The following FOXP2 variants were observed in gnomAD, a reference collection of about 807,000 sequenced individuals.
FOXP2 encodes the protein forkhead box P2.
A neutral mutation model predicts 115.8 loss-of-function variants in FOXP2; 12 were observed. That is an observed-to-expected ratio of 0.10 (90% CI 0.07 to 0.17). FOXP2 has a LOEUF of 0.17. FOXP2 is among the 10% of genes least tolerant of loss of function. The pLI, the probability that FOXP2 is intolerant of heterozygous loss-of-function variation, is 1.00. For missense variants in FOXP2, 629 were observed against 843.5 expected, an observed-to-expected ratio of 0.75 and a Z score of 3.15; for synonymous variants, 328 against 297.7, an observed-to-expected ratio of 1.10 and a Z score of -1.05.
intron 2 of FOXP2, among the ~76,000 whole-genome samples, chr7:114,433,242 C>G (rs1199905907): frequency 6.6e-6 from 1 of 151,912 alleles, no homozygotes; most frequent in Non-Finnish European, 1.5e-5. Context: ...AAAAGTATAT[C>G]TGGTTCATGT....
chr7:114,299,693 A>AT (rs1796830932), intron 2 of FOXP2, among the ~76,000 whole-genome samples: 1 of 151,978 alleles, frequency 6.6e-6, no homozygotes, highest in Admixed American at 6.6e-5. Context: ...TAATATACTC[A>AT]TTTTAATCAT....
At chr7:114,397,400 T>C (rs1004784512) in intron 2 of FOXP2, among the ~76,000 whole-genome samples, 2 of 152,004 alleles carry the variant, frequency 1.3e-5, no homozygotes, top group Admixed American at 1.3e-4. Context: ...ACAATAAACA[T>C]AGAAAAATCA....
chr7:114,621,448 T>G (rs1462456081), intron 3 of FOXP2, among the ~76,000 whole-genome samples: 4 of 152,056 alleles, frequency 2.6e-5, no homozygotes, highest in Admixed American at 2.6e-4. Flanking sequence ...CTGGCAGACA[T>G]GAACTAATCT....
chr7:114,688,310 C>T (rs540092119), intron 16 of FOXP2, among the ~76,000 whole-genome samples: 8 of 145,674 alleles, frequency 5.5e-5, no homozygotes, highest in African/African-American at 1.3e-4. Flanking sequence ...AGCTAAAAAA[C>T]GTATAATTTA....
At chr7:114,287,309 G>A (rs1210284496) in intron 1 of FOXP2, among the ~76,000 whole-genome samples, 1 of 151,882 alleles carries the variant, frequency 6.6e-6, no homozygotes, top group African/African-American at 2.4e-5. Context: ...TTACAAATTT[G>A]TGTTGGGCTG....
intron 2 of FOXP2, among the ~76,000 whole-genome samples, chr7:114,332,305 C>A (rs1797732607): frequency 6.6e-6 from 1 of 152,146 alleles, no homozygotes; most frequent in Non-Finnish European, 1.5e-5. Context: ...CTCCCCTGAG[C>A]TAAGCATAAT....
At chr7:114,205,786 CA>C (rs1172252355) in intron 1 of FOXP2, among the ~76,000 whole-genome samples, 1 of 152,102 alleles carries the variant, frequency 6.6e-6, no homozygotes, top group African/African-American at 2.4e-5. Context: ...CTTATTCATG[CA>C]AGAGTTCAGA....
rs563963152 is a variant in FOXP2 at position 114,093,028 on chromosome 7, T to C, written c.-247+5190T>C. Among the ~76,000 whole-genome samples, 4 of 152,250 alleles carry C rather than the reference T, an allele frequency of 2.6e-5. No individual in the cohort carries two copies. The South Asian group carries it at 6.2e-4, about 24-fold the overall frequency. On this transcript the variant is annotated intron_variant, in intron 1 of 19. Transcript: ENST00000635638. ...TCTCCCTCCAGGCACCGCAGTTTAT[T>C]CTCCACACAGCAGAGTGATCTTTTG... is the stretch of plus-strand genomic sequence containing the variant.
intron 2 of FOXP2, among the ~76,000 whole-genome samples, chr7:114,397,685 G>T: frequency 6.6e-6 from 1 of 152,176 alleles, no homozygotes; most frequent in East Asian, 1.9e-4. Context: ...ATAATGAGAT[G>T]AGGCTGAAGA....
intron 1 of FOXP2, among the ~76,000 whole-genome samples, chr7:114,093,833 A>C (rs985471169): frequency 6.6e-6 from 1 of 152,132 alleles, no homozygotes; most frequent in African/African-American, 2.4e-5. Context: ...GAAAGTTGTG[A>C]GTGAATATTT....
Position 114,690,153 on chromosome 7 carries a change from A to C in FOXP2, c.*227A>C. ...TCTTTTTTTTTTTTTTTTTAGAAAA[A>C]AAGACAAAAACTGATTTTCTTGAAA... On this transcript the variant is annotated 3_prime_UTR_variant, in exon 17 of 17. Transcript: ENST00000350908. 1.8e-6 allele frequency: 1 copy of C among 546,654 alleles called. No individual in the cohort carries two copies. Among genetic ancestry groups the C allele is most frequent in the Non-Finnish European group, 3.3e-6 (1 of 302,986 alleles). The allele number at this position is 546,654 out of a possible 1,614,324, so 33.9% of individuals were successfully genotyped here. A position where few individuals can be genotyped will look rare whatever the true frequency, so the allele number is the denominator to read the frequency against.
chr7:114,526,765 C>T (rs1314633882), intron 2 of FOXP2, among the ~76,000 whole-genome samples: 2 of 152,064 alleles, frequency 1.3e-5, no homozygotes, highest in South Asian at 2.1e-4. Flanking sequence ...TGTCCTCTCA[C>T]AATTTTTTAA....
At chr7:114,475,758 A>T (rs1004909016) in intron 2 of FOXP2, among the ~76,000 whole-genome samples, 1 of 152,040 alleles carries the variant, frequency 6.6e-6, no homozygotes, top group Admixed American at 6.6e-5. Context: ...TTTCAGCATC[A>T]TGCAACCACC....
At chr7:114,319,923 T>C (rs1019149956) in intron 2 of FOXP2, among the ~76,000 whole-genome samples, 5 of 152,168 alleles carry the variant, frequency 3.3e-5, no homozygotes, top group African/African-American at 9.6e-5. Context: ...ACTTACTACA[T>C]TGCAGAGTCT....
chr7:114,611,017 C>T (rs1250595653), intron 3 of FOXP2, among the ~76,000 whole-genome samples: 2 of 152,106 alleles, frequency 1.3e-5, no homozygotes, highest in East Asian at 3.9e-4. Flanking sequence ...TGAGATAAAA[C>T]GTGTGAAATT....
intron 2 of FOXP2, among the ~76,000 whole-genome samples, chr7:114,400,541 G>T (rs752620309): frequency 2.0e-5 from 3 of 152,078 alleles, no homozygotes; most frequent in African/African-American, 7.2e-5. Flanking sequence ...TATAGGCAGC[G>T]GTCCCCAATC....
At chr7:114,498,796 TG>T (rs1054625870) in intron 2 of FOXP2, 4 of 709,090 alleles carry the variant, frequency 5.6e-6, no homozygotes, top group Non-Finnish European at 1.0e-5. Flanking sequence ...ATAATTTTTT[TG>T]GGGGTATATG....
intron 2 of FOXP2, among the ~76,000 whole-genome samples, chr7:114,465,107 T>C (rs1795746035): frequency 6.6e-6 from 1 of 152,196 alleles, no homozygotes; most frequent in African/African-American, 2.4e-5. Flanking sequence ...GAGGACAATC[T>C]GATTCCTTTT....
intron 1 of FOXP2, among the ~76,000 whole-genome samples, chr7:114,125,283 AT>A (rs1791678517): frequency 6.6e-6 from 1 of 152,188 alleles, no homozygotes; most frequent in Non-Finnish European, 1.5e-5. Flanking sequence ...TATATAGTCA[AT>A]AGTTAAAGAT....
Sources: allele counts gnomAD v4.1 joint callset (sites outside exome capture counted in the v4.1 genomes callset), GRCh38; gene constraint gnomAD v4.1.1; transcripts MANE v1.5; gene names NCBI Gene and HGNC (gene_info 2026-07-23, HGNC 2026-07-21).